The following GNPTG variants were observed in gnomAD, a reference collection of about 807,000 sequenced individuals.
The protein encoded by GNPTG is N-acetylglucosamine-1-phosphotransferase subunit gamma.
Under a neutral mutation model 43.8 loss-of-function variants are expected in GNPTG, and 46 were observed. The ratio of observed to expected loss-of-function variants is 1.05; its 90% CI spans 0.83 to 1.34. GNPTG has a LOEUF of 1.34. Ranked by LOEUF, GNPTG falls within the 40% of genes most tolerant of loss-of-function variation. The pLI is 0.00. For synonymous variants in GNPTG, 250 were observed against 172.8 expected (o/e 1.45, Z -3.50); for missense variants, 549 against 411.3 (o/e 1.33, Z -2.90).
rs11554983 is a variant in GNPTG at position 1,362,115 on chromosome 16, G to A, written c.395G>A (p.Arg132Gln). Residue 132 changes from arginine (R) to glutamine (Q), a missense_variant, in exon 6 of 11, where the codon CGG becomes CAG. Coordinates refer to ENST00000204679, the MANE Select transcript of GNPTG (RefSeq NM_032520.5). ...WMRDGDACRS[R>Q]SRQSKVELAC... ...AGGGACGGTGACGCCTGCCGTTCCC[G>A]GAGCCGGCAGAGCAAGGTGGGGCCT... 1.6e-5 allele frequency: 25 copies of A among 1,612,292 alleles called. No individual in the cohort carries two copies. The highest frequency in any genetic ancestry group is 5.3e-5 in the African/African-American group (4 of 75,030).
In GNPTG at chr16:1,362,481, C is replaced by T. The variant is rs751880564; in HGVS notation, c.556C>T (p.Arg186Trp). The T allele has an allele frequency of 7.4e-6, 12 of 1,613,948 alleles. No individual in the cohort carries two copies. In the Admixed American group the frequency reaches 8.3e-5, roughly 11 times the overall value. The change falls in exon 8 of 11, where the codon CGG becomes TGG. Residue 186 changes from arginine (R) to tryptophan (W), a missense_variant. Physicochemically the swap from Arg to Trp is moderately radical, Grantham distance 101. Transcript: ENST00000204679. ...CCCAACCCTGCCAGAGGCCCTGCAG[C>T]GGCAGTGGGACCAGGTAGAGCAGGA... ...VYPTLPEALQ[R>W]QWDQVEQDLA... is the part of the protein sequence containing the mutation.
At chr16:1,357,388 G>C (rs1245238288) in intron 3 of GNPTG, among the ~76,000 whole-genome samples, 1 of 152,204 alleles carries the variant, frequency 6.6e-6, no homozygotes, top group Admixed American at 6.5e-5. Flanking sequence ...CCGGGGGCGG[G>C]GGCCAGGCTG....
chr16:1,360,474 A>C (rs1477693623), intron 3 of GNPTG: 1 of 152,168 alleles, frequency 6.6e-6, no homozygotes, highest in Non-Finnish European at 1.5e-5. Context: ...AGATACAAAA[A>C]TTAGCTGGGC....
rs1555452169 is a variant in GNPTG, at chr16:1,363,032, CCCAGAGCCAAGTCT to C, written c.867_880del (p.Lys290AlafsTer4). The C allele has an allele frequency of 6.2e-7, 1 of 1,614,042 alleles. No individual in the cohort carries two copies. Among genetic ancestry groups the C allele is most frequent in the East Asian group, 2.2e-5 (1 of 44,854 alleles). The stretch of plus-strand genomic sequence containing the variant: ...CTTGGAGCACTTGGGCCACGAGACG[CCCAGAGCCAAGTCT>C]CCAGAGCAGCTGCGGGGTGACCCAG... On this transcript the variant is annotated frameshift_variant, in exon 11 of 11. Transcript: ENST00000204679. LOFTEE classifies it low-confidence loss of function (END_TRUNC).
At chr16:1,356,092 G>A (rs1207307515) in intron 3 of GNPTG, among the ~76,000 whole-genome samples, 1 of 152,116 alleles carries the variant, frequency 6.6e-6, no homozygotes, top group Admixed American at 6.5e-5. Flanking sequence ...CCACCCTTGA[G>A]AAGGGATTGT....
chr16:1,362,930 C>T, intron 10 of GNPTG, 24 bp downstream of exon 10: 1 of 1,613,388 alleles, frequency 6.2e-7, no homozygotes, highest in Non-Finnish European at 8.5e-7. Context: ...GGGGAGAGGG[C>T]CAGGCTCACC....
In GNPTG at chr16:1,352,133, G is replaced by T; in HGVS notation, c.84G>T (p.Lys28Asn). The change falls in exon 2 of 11, where the codon AAG (lysine) becomes AAT (asparagine). Residue 28 changes from lysine to asparagine, a missense_variant. Transcript: ENST00000204679. ...GPAPAGAAKM[K>N]VVEEPNAFGV... ...CGCCGGCAGGTGCAGCGAAGATGAA[G>T]GTGGTGGAGGAGCCCAACGCGTTTG... The T allele has an allele frequency of 6.3e-7, 1 of 1,583,182 alleles. No individual in the cohort carries two copies. The highest frequency in any genetic ancestry group is 8.6e-7 in the Non-Finnish European group (1 of 1,166,402).
chr16:1,354,510 C>G lies in GNPTG; in HGVS notation c.178+2204C>G, dbSNP rs148726200. ...CCGAGGCTGGAGAATTGCTTGAATC[C>G]AGGAGGCGGAGGCTGCGGTGAGCTG... On this transcript the variant is annotated intron_variant, in intron 3 of 10. Coordinates refer to ENST00000204679, the MANE Select transcript of GNPTG (RefSeq NM_032520.5). Among the ~76,000 whole-genome samples the G allele has an allele frequency of 8.0e-5, 11 of 136,846 alleles. No individual in the cohort carries two copies. The East Asian group carries it at 2.3e-3, about 28-fold the overall frequency. 89.8% of individuals were successfully genotyped at this position (136,846 alleles called of 152,430 possible).
chr16:1,356,621 G>T (rs1245013229), intron 3 of GNPTG, among the ~76,000 whole-genome samples: 2 of 152,186 alleles, frequency 1.3e-5, no homozygotes, highest in Non-Finnish European at 2.9e-5. Flanking sequence ...CAGCCAGTAG[G>T]AGTCCACTGA....
At chr16:1,362,949 C>G (rs749980153) in intron 10 of GNPTG, 43 bp downstream of exon 10, 2 of 1,613,592 alleles carry the variant, frequency 1.2e-6, no homozygotes, top group South Asian at 1.1e-5. Context: ...CCATCACACT[C>G]GCCACCTGTG....
chr16:1,359,610 A>C (rs1298026463), intron 3 of GNPTG, among the ~76,000 whole-genome samples: 3 of 152,286 alleles, frequency 2.0e-5, no homozygotes, highest in South Asian at 4.1e-4. Flanking sequence ...TTTTGATCAT[A>C]ACAGCTTTGA....
rs1259455287 is a variant in GNPTG at position 1,363,827 on chromosome 16, T to C, written c.*736T>C. On this transcript the variant is annotated 3_prime_UTR_variant, in exon 11 of 11. Coordinates refer to ENST00000204679, the MANE Select transcript of GNPTG (RefSeq NM_032520.5). Reference sequence around the variant, plus strand: ...ACTGCTCACCTGTCCTCAGAGCCAGTACTGATCTAGGGGAGCAGGTGCCAC... The same window carrying C: ...ACTGCTCACCTGTCCTCAGAGCCAGCACTGATCTAGGGGAGCAGGTGCCAC... The C allele has an allele frequency of 6.5e-6, 1 of 154,234 alleles. No individual in the cohort carries two copies. The highest frequency in any genetic ancestry group is 1.4e-5 in the Non-Finnish European group (1 of 69,434). The allele number at this position is 154,234 out of a possible 1,614,324, so 9.6% of individuals were successfully genotyped here.
rs141870165 is a variant in GNPTG at position 1,362,095 on chromosome 16, C to T, written c.375C>T (p.Asp125=). Residue 125 remains aspartate (D), a synonymous_variant, in exon 6 of 11, where the codon GAC becomes GAT. Coordinates refer to ENST00000204679, the MANE Select transcript of GNPTG (RefSeq NM_032520.5). ...CCTTCACGGGCATGTGGATGAGGGA[C>T]GGTGACGCCTGCCGTTCCCGGAGCC... ...NNTFTGMWMR[D]GDACRSRSRQ... 29 of 1,611,360 alleles carry T rather than the reference C, an allele frequency of 1.8e-5. No homozygotes were observed. Among genetic ancestry groups the T allele is most frequent in the Middle Eastern group, 1.7e-4 (1 of 6,060 alleles).
chr16:1,359,154 C>T (rs908166404), intron 3 of GNPTG, among the ~76,000 whole-genome samples: 2 of 152,094 alleles, frequency 1.3e-5, no homozygotes, highest in African/African-American at 4.8e-5. Flanking sequence ...CCATTTTTAA[C>T]TTGAGTTTAT....
chr16:1,357,831 C>T (rs1035792493), intron 3 of GNPTG: 8 of 152,452 alleles, frequency 5.2e-5, no homozygotes, highest in African/African-American at 9.6e-5. Flanking sequence ...ATTATTAATA[C>T]GGTAAAACTA....
intron 3 of GNPTG, chr16:1,357,627 CCTCAG>C (rs2034801864): frequency 6.6e-6 from 1 of 152,468 alleles, no homozygotes; most frequent in Non-Finnish European, 1.5e-5. Flanking sequence ...CATTCTCCTG[CCTCAG>C]CCTCCTGAGT....
intron 3 of GNPTG, 178 bp downstream of exon 3, chr16:1,352,484 A>ATT (rs2034702310): frequency 2.9e-6 from 2 of 700,970 alleles, no homozygotes; most frequent in Non-Finnish European, 5.0e-6. Flanking sequence ...AGCGAATTAA[A>ATT]TTATCTCCAG....
At position 1,351,945 on chromosome 16, in the gene GNPTG, C is replaced by T; in HGVS notation, c.-21C>T. 1 of 1,279,054 alleles carries T rather than the reference C, an allele frequency of 7.8e-7. No individual in the cohort carries two copies. Among genetic ancestry groups the T allele is most frequent in the Non-Finnish European group, 9.8e-7 (1 of 1,019,578 alleles). The allele number at this position is 1,279,054 out of a possible 1,614,324, so 79.2% of individuals were successfully genotyped here. ...ACGTGACCGTCACTTCACGTGACCG[C>T]GCGGCGGCCGCTGCGGCGCGATGGC... is the stretch of plus-strand genomic sequence containing the variant. On this transcript the variant is annotated 5_prime_UTR_variant, in exon 1 of 11. Transcript: ENST00000204679.
Position 1,352,018 on chromosome 16 carries a change from G to C in GNPTG, c.52+1G>C, listed in dbSNP as rs2141632749. On this transcript the variant is annotated splice_donor_variant, in intron 1 of 10. Coordinates refer to ENST00000204679, the MANE Select transcript of GNPTG (RefSeq NM_032520.5). LOFTEE classifies it high-confidence loss of function. ...TTGCTCCTCGGGCTCTCGGCCGGCG[G>C]TGAGTGGCCCGGCCGTCCGCGTCCC... 1.4e-6 allele frequency: 2 copies of C among 1,474,472 alleles called. No individual in the cohort carries two copies. Among genetic ancestry groups the C allele is most frequent in the South Asian group, 2.6e-5 (2 of 77,252 alleles). The allele number at this position is 1,474,472 out of a possible 1,614,324, so 91.3% of individuals were successfully genotyped here.
Sources: allele counts gnomAD v4.1 joint callset (sites outside exome capture counted in the v4.1 genomes callset), GRCh38; gene constraint gnomAD v4.1.1; transcripts MANE v1.5; gene names NCBI Gene and HGNC (gene_info 2026-07-23, HGNC 2026-07-21).